The following ZBTB38 variants were observed in gnomAD, a reference collection of about 807,000 sequenced individuals.
ZBTB38 encodes zinc finger and BTB domain-containing protein 38.
Under a neutral mutation model 76.8 loss-of-function variants are expected in ZBTB38, and 20 were observed. The ratio of observed to expected loss-of-function variants is 0.26; its 90% CI spans 0.18 to 0.38. The LOEUF is 0.38. Among genes scored for constraint, ZBTB38 ranks in the 10% least tolerant of loss-of-function variants. ZBTB38 has a pLI of 1.00. For synonymous variants in ZBTB38, 504 were observed against 544.2 expected (o/e 0.93, Z 1.03); for missense variants, 1,082 against 1,482.3 (o/e 0.73, Z 4.43).
chr3:141,342,166 A>C (rs567924463), intron 1 of ZBTB38, among the ~76,000 whole-genome samples: 1 of 152,092 alleles, frequency 6.6e-6, no homozygotes, highest in Non-Finnish European at 1.5e-5. Flanking sequence ...GTCTACTAAA[A>C]ATACAAAAAT....
chr3:141,400,528 TTA>T (rs1288867796), intron 4 of ZBTB38, among the ~76,000 whole-genome samples: 2 of 152,182 alleles, frequency 1.3e-5, no homozygotes, highest in African/African-American at 4.8e-5. Context: ...TTCAATCCCT[TTA>T]TGTCACTCAC....
intron 1 of ZBTB38, among the ~76,000 whole-genome samples, chr3:141,333,692 C>A (rs943529393): frequency 1.3e-5 from 2 of 150,510 alleles, no homozygotes; most frequent in Non-Finnish European, 3.0e-5. Flanking sequence ...CTTGCATTGA[C>A]CCCTTGCCTA....
At chr3:141,432,380 G>A in intron 5 of ZBTB38, 1 of 713,510 alleles carries the variant, frequency 1.4e-6, no homozygotes, top group Non-Finnish European at 1.7e-6. Flanking sequence ...GTTAGGAGCT[G>A]CGTGGCCAAG....
At chr3:141,340,768 G>A (rs1393685469) in intron 1 of ZBTB38, among the ~76,000 whole-genome samples, 2 of 151,662 alleles carry the variant, frequency 1.3e-5, no homozygotes, top group Non-Finnish European at 2.9e-5. Flanking sequence ...GTGGTGGCGG[G>A]CACCTGTGGT....
intron 1 of ZBTB38, among the ~76,000 whole-genome samples, chr3:141,347,745 G>T (rs1943405687): frequency 1.3e-5 from 2 of 152,228 alleles, no homozygotes; most frequent in African/African-American, 4.8e-5. Context: ...TCCAGTTCCT[G>T]CCAGAAAGGC....
rs773162463 is a variant in ZBTB38, at chr3:141,442,146, G to C, written c.1-243G>C. Among the ~76,000 whole-genome samples the C allele has an allele frequency of 6.6e-6, 1 of 152,018 alleles. No homozygotes were observed. Among genetic ancestry groups the C allele is most frequent in the Non-Finnish European group, 1.5e-5 (1 of 68,008 alleles). ...ATAGCTCCAACTTTGGAGAAAAGGG[G>C]AAGGAGTTCTGGGAGGATTTCCAAT... On this transcript the variant is annotated intron_variant, in intron 5 of 5. Transcript: ENST00000321464. The surrounding 1 kb of genome is among the most constrained non-coding windows in gnomAD (Gnocchi z 6.4).
Position 141,443,193 on chromosome 3 carries a change from T to C in ZBTB38, c.805T>C (p.Phe269Leu). ...GAAAACATGCCGGAAGCCAAAGACA[T>C]TCTCCATACCACAGGATTCGGATTC... is the stretch of plus-strand genomic sequence containing the variant. ...KPKTCRKPKTFSIPQDSDSAT... is the reference protein window; with the variant it reads ...KPKTCRKPKTLSIPQDSDSAT... The change falls in exon 6 of 6, where the codon TTC becomes CTC. Residue 269 changes from phenylalanine (F) to leucine (L), a missense_variant. Phe to Leu is a conservative substitution (Grantham distance 22, BLOSUM62 0). Around this residue, in one of 8 missense-constraint regions of ZBTB38, gnomAD observed 324 missense variants for 359.1 expected, o/e 0.90. Coordinates refer to ENST00000321464, the MANE Select transcript of ZBTB38 (RefSeq NM_001376113.1). This position sits in a 1 kb window ranked among gnomAD's most constrained non-coding sequence, Gnocchi z 5.6. 6.2e-7 allele frequency: 1 copy of C among 1,614,224 alleles called. No homozygotes were observed. Among genetic ancestry groups the C allele is most frequent in the Non-Finnish European group, 8.5e-7 (1 of 1,180,040 alleles).
intron 5 of ZBTB38, among the ~76,000 whole-genome samples, chr3:141,435,759 G>GA (rs200993127): frequency 0.038 from 4,781 of 125,374 alleles, 96 homozygotes; most frequent in African/African-American, 0.066. Flanking sequence ...GACTGCCTCA[G>GA]AAAAAAAAAA....
At chr3:141,345,143 G>A (rs752432968) in intron 1 of ZBTB38, among the ~76,000 whole-genome samples, 8 of 152,192 alleles carry the variant, frequency 5.3e-5, no homozygotes, top group Non-Finnish European at 7.3e-5. Context: ...AAAGAAGCTG[G>A]AGAAGACTTT....
chr3:141,409,023 G>C (rs1374238621), intron 5 of ZBTB38, among the ~76,000 whole-genome samples: 1 of 152,180 alleles, frequency 6.6e-6, no homozygotes, highest in Non-Finnish European at 1.5e-5. Flanking sequence ...AGCCAAGATT[G>C]TAGAGATGGG....
intron 2 of ZBTB38, among the ~76,000 whole-genome samples, chr3:141,376,765 A>G (rs1445572122): frequency 6.6e-6 from 1 of 152,156 alleles, no homozygotes; most frequent in Non-Finnish European, 1.5e-5. Context: ...GTGCTTCCAA[A>G]TCTCACCCAC....
At chr3:141,362,977 G>A (rs1258661524) in intron 1 of ZBTB38, among the ~76,000 whole-genome samples, 1 of 151,786 alleles carries the variant, frequency 6.6e-6, no homozygotes, top group Non-Finnish European at 1.5e-5. Flanking sequence ...ACAAACCCAT[G>A]AGGTGGTATT....
At chr3:141,334,021 A>T (rs543891122) in intron 1 of ZBTB38, among the ~76,000 whole-genome samples, 53 of 152,288 alleles carry the variant, frequency 3.5e-4, no homozygotes, top group Admixed American at 3.1e-3. Context: ...AGGGAAATAC[A>T]TGGAATCAAA....
intron 5 of ZBTB38, among the ~76,000 whole-genome samples, chr3:141,417,448 G>C (rs1291684187): frequency 6.6e-6 from 1 of 152,122 alleles, no homozygotes; most frequent in Non-Finnish European, 1.5e-5. Flanking sequence ...CCTGTTAGTA[G>C]CACATCTAAA....
intron 5 of ZBTB38, chr3:141,434,106 T>C: frequency 1.4e-6 from 1 of 694,406 alleles, no homozygotes; most frequent in Non-Finnish European, 1.8e-6. Flanking sequence ...CTCAAGGAGC[T>C]CATAGGGAAG....
At chr3:141,405,911 C>T (rs1954208755) in intron 5 of ZBTB38, among the ~76,000 whole-genome samples, 2 of 152,194 alleles carry the variant, frequency 1.3e-5, no homozygotes, top group African/African-American at 4.8e-5. Flanking sequence ...GAAGGGGTCC[C>T]TTTTATCCCT....
chr3:141,432,259 C>T, intron 5 of ZBTB38: 6 of 985,440 alleles, frequency 6.1e-6, no homozygotes, highest in Non-Finnish European at 7.2e-6. Context: ...TATCCTAATA[C>T]AGTGCGTTCT....
intron 4 of ZBTB38, chr3:141,388,220 G>A (rs1054892206): frequency 1.3e-5 from 2 of 151,992 alleles, no homozygotes; most frequent in African/African-American, 4.8e-5. Context: ...AAATAAATGG[G>A]TTTCTGGAGA....
chr3:141,437,355 T>G (rs1460339962), intron 5 of ZBTB38, among the ~76,000 whole-genome samples: 5 of 152,162 alleles, frequency 3.3e-5, no homozygotes, highest in Non-Finnish European at 7.3e-5. Context: ...CCTCCCTTAC[T>G]CTCTGTTGAA....
Sources: allele counts gnomAD v4.1 joint callset (sites outside exome capture counted in the v4.1 genomes callset), GRCh38; gene constraint gnomAD v4.1.1; regional missense constraint gnomAD v4.1.1; non-coding constraint Gnocchi (gnomAD v3.1); transcripts MANE v1.5; gene names NCBI Gene and HGNC (gene_info 2026-07-23, HGNC 2026-07-21).